Variants in NFIA observed in about 807,000 individuals in gnomAD.
The protein encoded by NFIA is nuclear factor 1 A-type.
In NFIA, 8 loss-of-function variants were observed where a neutral mutation model predicts 62.8. The ratio of observed to expected loss-of-function variants is 0.13; its 90% CI spans 0.07 to 0.23. The LOEUF is 0.23. Among genes scored for constraint, NFIA ranks in the 10% least tolerant of loss-of-function variants. The pLI, the probability that NFIA is intolerant of heterozygous loss-of-function variation, is 1.00. For missense variants in NFIA, 410 were observed against 642.1 expected (o/e 0.64, Z 3.91); for synonymous variants, 235 against 238.1 (o/e 0.99, Z 0.12).
intron 7 of NFIA, among the ~76,000 whole-genome samples, chr1:61,402,612 A>C (rs1665625375): frequency 6.6e-6 from 1 of 152,168 alleles, no homozygotes; most frequent in South Asian, 2.1e-4. Flanking sequence ...TGATTCAAAT[A>C]GGTTATGTTT....
chr1:61,260,770 C>T (rs1411346778), intron 2 of NFIA, among the ~76,000 whole-genome samples: 2 of 152,050 alleles, frequency 1.3e-5, no homozygotes, highest in East Asian at 1.9e-4. Flanking sequence ...TTAGTAGAGA[C>T]GGGGTTTCAC....
Position 61,186,513 on chromosome 1 carries a change from C to G in NFIA, c.560-91007C>G, listed in dbSNP as rs577310461. Among the ~76,000 whole-genome samples the G allele has an allele frequency of 2.6e-5, 4 of 152,180 alleles. No individual in the cohort carries two copies. In the East Asian group the frequency reaches 5.8e-4, roughly 22 times the overall value. On this transcript the variant is annotated intron_variant, in intron 2 of 10. Transcript: ENST00000403491. ...TAAATCGTTCAGTCAGTGGAAGAGA[C>G]ATGTATGTAAATAGGTAAGTTACCT...
At chr1:61,282,913 C>T (rs1188016326) in intron 3 of NFIA, among the ~76,000 whole-genome samples, 1 of 152,120 alleles carries the variant, frequency 6.6e-6, no homozygotes, top group East Asian at 1.9e-4. Context: ...TTTGTTCCTC[C>T]TCATTTATCT....
At chr1:61,204,855 C>T (rs1397288216) in intron 2 of NFIA, among the ~76,000 whole-genome samples, 1 of 151,320 alleles carries the variant, frequency 6.6e-6, no homozygotes, top group Non-Finnish European at 1.5e-5. Flanking sequence ...ATATTGAAAA[C>T]ATTTAGGTAG....
At chr1:61,424,271 G>C (rs138283676) in intron 9 of NFIA, among the ~76,000 whole-genome samples, 1 of 152,088 alleles carries the variant, frequency 6.6e-6, no homozygotes, top group African/African-American at 2.4e-5. Context: ...ATAGGTGATG[G>C]GATATAATAT....
chr1:61,198,569 G>T (rs1420611686), intron 2 of NFIA, among the ~76,000 whole-genome samples: 5 of 152,162 alleles, frequency 3.3e-5, no homozygotes, highest in Admixed American at 1.3e-4. Flanking sequence ...GGACCTGGGG[G>T]TTTTACTCTT....
chr1:61,329,077 T>G (rs1325279944), intron 3 of NFIA, among the ~76,000 whole-genome samples: 1 of 145,956 alleles, frequency 6.9e-6, no homozygotes, highest in East Asian at 2.0e-4. Flanking sequence ...AGATGGAGTC[T>G]CACTCGGTCG....
At chr1:61,421,458 C>T (rs1459452101) in intron 9 of NFIA, among the ~76,000 whole-genome samples, 4 of 152,248 alleles carry the variant, frequency 2.6e-5, no homozygotes, top group Admixed American at 1.3e-4. Context: ...TTGCTACTTC[C>T]GTATATTTGG....
chr1:61,228,211 C>T (rs1654451367), intron 2 of NFIA, among the ~76,000 whole-genome samples: 1 of 152,114 alleles, frequency 6.6e-6, no homozygotes, highest in African/African-American at 2.4e-5. Context: ...AACATGTGAT[C>T]TGTATGTAAG....
At chr1:61,350,473 A>G (rs1033206332) in intron 4 of NFIA, among the ~76,000 whole-genome samples, 12 of 152,134 alleles carry the variant, frequency 7.9e-5, no homozygotes, top group African/African-American at 2.7e-4. Flanking sequence ...TCTACAAAAG[A>G]AATTTTTAAA....
At chr1:61,444,224 A>G (rs1667708570) in intron 10 of NFIA, among the ~76,000 whole-genome samples, 1 of 152,218 alleles carries the variant, frequency 6.6e-6, no homozygotes, top group Non-Finnish European at 1.5e-5. Flanking sequence ...TCTAGAAGCC[A>G]TTTTCAACTA....
intron 6 of NFIA, among the ~76,000 whole-genome samples, chr1:61,378,629 A>C (rs939860703): frequency 1.3e-5 from 2 of 152,206 alleles, no homozygotes; most frequent in African/African-American, 4.8e-5. Context: ...ATTATCTCAC[A>C]GTTTCCATGG....
At chr1:61,178,933 G>C (rs1056778307) in intron 2 of NFIA, among the ~76,000 whole-genome samples, 4 of 152,204 alleles carry the variant, frequency 2.6e-5, no homozygotes, top group Non-Finnish European at 4.4e-5. Context: ...CTCCCTGCCT[G>C]TGGGCACCTC....
intron 2 of NFIA, among the ~76,000 whole-genome samples, chr1:61,131,881 G>A (rs775620526): frequency 1.4e-4 from 22 of 152,086 alleles, no homozygotes; most frequent in Non-Finnish European, 1.9e-4. Flanking sequence ...TGTTAAAAGA[G>A]TAACCATATC....
chr1:61,435,498 C>A (rs1667286238), intron 10 of NFIA, among the ~76,000 whole-genome samples: 1 of 152,148 alleles, frequency 6.6e-6, no homozygotes, highest in Non-Finnish European at 1.5e-5. Flanking sequence ...CAGCCTCATG[C>A]TTAGAGCCTC....
intron 2 of NFIA, among the ~76,000 whole-genome samples, chr1:61,238,440 TTA>T (rs1191129565): frequency 6.6e-6 from 1 of 152,026 alleles, no homozygotes; most frequent in African/African-American, 2.4e-5. Flanking sequence ...GAAAAGAAAA[TTA>T]TATGTTTTAG....
chr1:61,109,750 A>G (rs939743248), intron 2 of NFIA, among the ~76,000 whole-genome samples: 25 of 151,964 alleles, frequency 1.6e-4, no homozygotes, highest in African/African-American at 5.8e-4. Flanking sequence ...TGTGAAGATT[A>G]TTTATAATAG....
chr1:61,158,337 A>T (rs974698652), intron 2 of NFIA, among the ~76,000 whole-genome samples: 3 of 152,134 alleles, frequency 2.0e-5, no homozygotes, highest in Non-Finnish European at 2.9e-5. Flanking sequence ...AGGTATTATA[A>T]ATGGTTGTTT....
At chr1:61,174,029 G>A (rs1014244673) in intron 2 of NFIA, among the ~76,000 whole-genome samples, 5 of 152,204 alleles carry the variant, frequency 3.3e-5, no homozygotes, top group Non-Finnish European at 5.9e-5. Context: ...GAGAGAAGTG[G>A]ATGGAGACAA....
Sources: gnomAD v4.1 joint callset for allele counts (sites outside exome capture counted in the v4.1 genomes callset) on GRCh38, gnomAD v4.1.1 for gene constraint, MANE v1.5 for transcripts, NCBI Gene and HGNC (gene_info 2026-07-23, HGNC 2026-07-21) for gene names.